The following CGGBP1 variants were observed in gnomAD, a reference collection of about 807,000 sequenced individuals.
The protein encoded by CGGBP1 is CGG triplet repeat-binding protein 1.
CGGBP1 carries 4 observed loss-of-function variants against 11.4 expected under a neutral mutation model. The ratio of observed to expected loss-of-function variants is 0.35; its 90% CI spans 0.17 to 0.80. The LOEUF (loss-of-function observed/expected upper bound fraction) is 0.80. Ranked by LOEUF, CGGBP1 falls within the 30% of genes least tolerant of loss-of-function variation. The pLI is 0.52. For synonymous variants in CGGBP1, 76 were observed against 74.1 expected (o/e 1.03, Z -0.13); for missense variants, 135 against 202.1 (o/e 0.67, Z 2.01).
intron 2 of CGGBP1, among the ~76,000 whole-genome samples, chr3:88,098,606 A>G (rs988439390): frequency 7.9e-5 from 12 of 152,204 alleles, no homozygotes; most frequent in Admixed American, 7.9e-4. Flanking sequence ...AACTGAATCC[A>G]GCAGCACAGC....
chr3:88,113,253 T>TC, intron 2 of CGGBP1: 1 of 1,053,488 alleles, frequency 9.5e-7, no homozygotes. Flanking sequence ...ACCATTATGC[T>TC]CCCCCTAAAT....
intron 2 of CGGBP1, chr3:88,086,524 A>AT: frequency 1.1e-6 from 1 of 900,228 alleles, no homozygotes; most frequent in Non-Finnish European, 1.5e-6. Context: ...AGAAATGTTT[A>AT]TTTTTTTCAC....
At chr3:88,104,913 C>A (rs1276551643) in intron 2 of CGGBP1, among the ~76,000 whole-genome samples, 4 of 152,310 alleles carry the variant, frequency 2.6e-5, no homozygotes, top group African/African-American at 9.6e-5. Context: ...CCAAGGTGGG[C>A]AGATTACTTC....
intron 2 of CGGBP1, among the ~76,000 whole-genome samples, chr3:88,132,365 G>A (rs527928679): frequency 7.9e-5 from 12 of 152,232 alleles, no homozygotes; most frequent in Admixed American, 2.6e-4. Context: ...TGGGAAATGC[G>A]TTTGTACACT....
intron 2 of CGGBP1, among the ~76,000 whole-genome samples, chr3:88,112,092 T>C (rs755841310): frequency 5.3e-5 from 8 of 151,910 alleles, no homozygotes; most frequent in Non-Finnish European, 7.4e-5. Context: ...TTTACGTTTT[T>C]TGGTCTGTTG....
chr3:88,092,097 T>A (rs78603883), intron 2 of CGGBP1, among the ~76,000 whole-genome samples: 2,020 of 152,322 alleles, frequency 0.013, 37 homozygotes, highest in African/African-American at 0.045. Context: ...TTTGCATTAT[T>A]TGTATTTACT....
At chr3:88,143,156 G>T (rs1156769284) in intron 1 of CGGBP1, 1 of 152,218 alleles carries the variant, frequency 6.6e-6, no homozygotes, top group South Asian at 2.1e-4. Context: ...TTACGGAAGT[G>T]GGGAATTTCT....
chr3:88,059,657 G>A (rs1249862012), upstream of CGGBP1, among the ~76,000 whole-genome samples: 1 of 151,420 alleles, frequency 6.6e-6, no homozygotes, highest in Non-Finnish European at 1.5e-5. Flanking sequence ...CCACTTATCC[G>A]GCTTGGGGTG....
chr3:88,081,800 A>C (rs1172683619), intron 2 of CGGBP1, among the ~76,000 whole-genome samples: 1 of 152,044 alleles, frequency 6.6e-6, no homozygotes, highest in African/African-American at 2.4e-5. Context: ...CTTTTATTGG[A>C]GAATGGTATT....
chr3:88,092,300 G>T (rs1009292045), intron 2 of CGGBP1, among the ~76,000 whole-genome samples: 1 of 152,036 alleles, frequency 6.6e-6, no homozygotes, highest in Admixed American at 6.6e-5. Context: ...TGCTTCTAGG[G>T]ATAAAATAGA....
chr3:88,115,902 A>G (rs897535039), intron 2 of CGGBP1, among the ~76,000 whole-genome samples: 2 of 152,194 alleles, frequency 1.3e-5, no homozygotes, highest in Admixed American at 1.3e-4. Flanking sequence ...GGAAATTAGG[A>G]TGGGAACTTT....
In CGGBP1 at chr3:88,053,583, AAATT is replaced by A. The variant is rs1394299864; in HGVS notation, c.*1886_*1889del. 6.6e-6 allele frequency: 1 copy of A among 152,468 alleles called. No individual in the cohort carries two copies. Among genetic ancestry groups the A allele is most frequent in the Non-Finnish European group, 1.5e-5 (1 of 67,992 alleles). 9.4% of individuals were successfully genotyped at this position (152,468 alleles called of 1,614,324 possible). On this transcript the variant is annotated 3_prime_UTR_variant, in exon 4 of 4. Coordinates refer to ENST00000482016, the MANE Select transcript of CGGBP1 (RefSeq NM_001008390.2). ...TGCCATTACATTTTGCTATTAGTGC[AAATT>A]AATACCCAAATAATAGGGAGCAGTT...
At chr3:88,132,004 A>G (rs1450521529) in intron 2 of CGGBP1, among the ~76,000 whole-genome samples, 4 of 152,118 alleles carry the variant, frequency 2.6e-5, no homozygotes, top group East Asian at 1.9e-4. Context: ...CTCCTTCACA[A>G]TCATTAATAA....
At chr3:88,073,612 A>T (rs748514462) in intron 2 of CGGBP1, among the ~76,000 whole-genome samples, 1 of 152,232 alleles carries the variant, frequency 6.6e-6, no homozygotes, top group Non-Finnish European at 1.5e-5. Flanking sequence ...AAAGAATTCT[A>T]TGAAATTATA....
chr3:88,139,976 C>T (rs1164275792), intron 2 of CGGBP1: 8 of 1,613,658 alleles, frequency 5.0e-6, no homozygotes, highest in South Asian at 4.4e-5. Flanking sequence ...ATGCAATGAC[C>T]GTACATCCAA....
intron 2 of CGGBP1, among the ~76,000 whole-genome samples, chr3:88,113,560 A>G (rs543996672): frequency 6.6e-6 from 1 of 152,232 alleles, no homozygotes; most frequent in East Asian, 1.9e-4. Flanking sequence ...TTTCTCTCTC[A>G]TAATAGCTTT....
Position 88,058,841 on chromosome 3 carries a change from A to C in CGGBP1, c.-357T>G. The stretch of plus-strand genomic sequence containing the variant: ...GTAGGATCGAGGCCGCCGTTAGGGA[A>C]AGTGGACGAGGCCCGGCCGGAAAGG... On this transcript the variant is annotated 5_prime_UTR_variant, in exon 1 of 4. Coordinates refer to ENST00000482016, the MANE Select transcript of CGGBP1 (RefSeq NM_001008390.2). The C allele has an allele frequency of 6.4e-6, 1 of 155,622 alleles. No homozygotes were observed. Among genetic ancestry groups the C allele is most frequent in the Non-Finnish European group, 1.4e-5 (1 of 70,206 alleles). The allele number at this position is 155,622 out of a possible 1,614,324, so 9.6% of individuals were successfully genotyped here. A position where few individuals can be genotyped will look rare whatever the true frequency, so the allele number is the denominator to read the frequency against.
chr3:88,066,269 AT>A (rs2107598166), intron 2 of CGGBP1, among the ~76,000 whole-genome samples: 1 of 152,308 alleles, frequency 6.6e-6, no homozygotes, highest in East Asian at 1.9e-4. Flanking sequence ...CACTCACTAC[AT>A]TGCTTCAGAA....
chr3:88,125,158 T>G (rs1428839052), intron 2 of CGGBP1, among the ~76,000 whole-genome samples: 1 of 150,874 alleles, frequency 6.6e-6, no homozygotes, highest in African/African-American at 2.4e-5. Context: ...GAGGTTGCAG[T>G]GAGCCAAGAT....
Sources: gnomAD v4.1 joint callset for allele counts (sites outside exome capture counted in the v4.1 genomes callset) on GRCh38, gnomAD v4.1.1 for gene constraint, MANE v1.5 for transcripts, NCBI Gene and HGNC (gene_info 2026-07-23, HGNC 2026-07-21) for gene names.